ASAP3: variants seen among roughly 807,000 people sequenced by gnomAD.
The protein encoded by ASAP3 is ArfGAP with SH3 domain, ankyrin repeat and PH domain 3, also known as arf-GAP with SH3 domain, ANK repeat and PH domain-containing protein 3.
In ASAP3, 85 loss-of-function variants were observed where a neutral mutation model predicts 118.2. The observed-to-expected ratio is 0.72, with a 90% CI of 0.60 to 0.86. The LOEUF is 0.86. Among genes scored for constraint, ASAP3 ranks in the 40% least tolerant of loss-of-function variants. ASAP3 has a pLI of 0.00. For synonymous variants in ASAP3, 432 were observed against 477.4 expected, an observed-to-expected ratio of 0.90 and a Z score of 1.24; for missense variants, 1,026 against 1,175.0, an observed-to-expected ratio of 0.87 and a Z score of 1.85.
intron 1 of ASAP3, among the ~76,000 whole-genome samples, chr1:23,477,492 T>C (rs1642170728): frequency 1.3e-5 from 2 of 151,296 alleles, no homozygotes; most frequent in South Asian, 4.2e-4. Flanking sequence ...TGAGGGAAGT[T>C]AGGAGTGTGG....
At chr1:23,480,751 C>T (rs1296595928) in intron 1 of ASAP3, among the ~76,000 whole-genome samples, 1 of 152,196 alleles carries the variant, frequency 6.6e-6, no homozygotes, top group African/African-American at 2.4e-5. Flanking sequence ...CTGTGTGACA[C>T]AGGGCAGCTG....
rs1640660002 is a variant in ASAP3 at position 23,436,514 on chromosome 1, C to T, written c.1571+46G>A. On this transcript the variant is annotated intron_variant, in intron 16 of 24. Transcript: ENST00000336689. The surrounding 1 kb of genome is among the most constrained non-coding windows in gnomAD (Gnocchi z 4.2). ...TCTACGACCCTGGACACTGCGGAGG[C>T]AGAATCCCCTAGGCAGGGTGCCCCT... The T allele has an allele frequency of 1.9e-6, 3 of 1,600,008 alleles. No homozygotes were observed. The highest frequency in any genetic ancestry group is 2.2e-5 in the East Asian group (1 of 44,838).
intron 1 of ASAP3, among the ~76,000 whole-genome samples, chr1:23,473,918 C>T (rs1642035870): frequency 6.6e-6 from 1 of 151,808 alleles, no homozygotes; most frequent in Non-Finnish European, 1.5e-5. Context: ...TCTCATCTGC[C>T]CCCTCCTCAA....
intron 5 of ASAP3, among the ~76,000 whole-genome samples, chr1:23,446,326 TC>T (rs1641045125): frequency 6.6e-6 from 1 of 152,098 alleles, no homozygotes; most frequent in Non-Finnish European, 1.5e-5. Context: ...AATACTGTAG[TC>T]CCCCCTTCTC....
In ASAP3 at chr1:23,429,774, C is replaced by A; in HGVS notation, c.*82G>T. On this transcript the variant is annotated 3_prime_UTR_variant, in exon 25 of 25. Transcript: ENST00000336689. Reference sequence around the variant, plus strand: ...GAGTGAGATCCAAGAGAACAAATGTCTCAGCTCCCCAGTTTTGTGAGCTCA... The same window carrying A: ...GAGTGAGATCCAAGAGAACAAATGTATCAGCTCCCCAGTTTTGTGAGCTCA... 1 of 1,388,586 alleles carries A rather than the reference C, an allele frequency of 7.2e-7. No homozygotes were observed. The highest frequency in any genetic ancestry group is 1.0e-6 in the Non-Finnish European group (1 of 1,004,360). The allele number at this position is 1,388,586 out of a possible 1,614,324, so 86.0% of individuals were successfully genotyped here. A position where few individuals can be genotyped will look rare whatever the true frequency, so the allele number is the denominator to read the frequency against.
At chr1:23,463,938 C>T (rs891459490) in intron 1 of ASAP3, among the ~76,000 whole-genome samples, 1 of 151,988 alleles carries the variant, frequency 6.6e-6, no homozygotes, top group African/African-American at 2.4e-5. Flanking sequence ...AGATCACAAA[C>T]ATGGCAAGGC....
At chr1:23,451,618 G>C (rs1410687748) in intron 4 of ASAP3, 90 bp from the exon 5 acceptor site, 1 of 1,410,010 alleles carries the variant, frequency 7.1e-7, no homozygotes, top group African/African-American at 1.4e-5. Context: ...GGACCTGCTA[G>C]TGTGCTCCCC....
intron 10 of ASAP3, among the ~76,000 whole-genome samples, chr1:23,440,652 C>T (rs1380945760): frequency 6.8e-6 from 1 of 147,750 alleles, no homozygotes; most frequent in East Asian, 2.0e-4. Flanking sequence ...GTCAGGAGAT[C>T]GAGACCATCC....
chr1:23,466,137 G>A (rs1013094737), intron 1 of ASAP3, among the ~76,000 whole-genome samples: 1 of 152,212 alleles, frequency 6.6e-6, no homozygotes, highest in Non-Finnish European at 1.5e-5. Flanking sequence ...TCCCAGGACT[G>A]AGAGGTGGAA....
At chr1:23,433,036 T>A in intron 22 of ASAP3, 41 bp downstream of exon 22, 1 of 1,610,596 alleles carries the variant, frequency 6.2e-7, no homozygotes, top group Non-Finnish European at 8.5e-7. Context: ...AGGTCCTCTG[T>A]GAATGGCATG....
chr1:23,449,469 T>C (rs907004557), intron 5 of ASAP3, among the ~76,000 whole-genome samples: 15 of 152,114 alleles, frequency 9.9e-5, no homozygotes, highest in African/African-American at 3.6e-4. Context: ...AAGCTCCCAG[T>C]GGTATTTGAC....
At chr1:23,442,377 C>A (rs1160934607) in intron 6 of ASAP3, 106 bp from the exon 7 acceptor site, 2 of 1,576,562 alleles carry the variant, frequency 1.3e-6, no homozygotes, top group East Asian at 2.3e-5. Flanking sequence ...TGCGACTGGG[C>A]CTTGGTGACA....
chr1:23,464,257 G>A (rs1641689274), intron 1 of ASAP3, among the ~76,000 whole-genome samples: 1 of 151,582 alleles, frequency 6.6e-6, no homozygotes, highest in East Asian at 2.0e-4. Flanking sequence ...TGTGATCTCG[G>A]CTCACTGCAA....
chr1:23,434,144 A>G, intron 19 of ASAP3, 110 bp downstream of exon 19: 1 of 1,024,808 alleles, frequency 9.8e-7, no homozygotes, highest in Non-Finnish European at 1.5e-6. Flanking sequence ...AACCCCTAAG[A>G]TCACAGAGGT....
chr1:23,438,910 C>CT lies in ASAP3; in HGVS notation c.1015-77dup. On this transcript the variant is annotated intron_variant, in intron 11 of 24. Coordinates refer to ENST00000336689, the MANE Select transcript of ASAP3 (RefSeq NM_017707.4). The surrounding 1 kb of genome is among the most constrained non-coding windows in gnomAD (Gnocchi z 4.9). ...ATTCTTTAGGCCTCCATTTCCCACT[C>CT]TGTTAAATGGGCATAATCATCCTGT... 1 of 1,416,116 alleles carries CT rather than the reference C, an allele frequency of 7.1e-7. No individual in the cohort carries two copies. The highest frequency in any genetic ancestry group is 1.0e-6 in the Non-Finnish European group (1 of 1,004,364). 87.7% of individuals were successfully genotyped at this position (1,416,116 alleles called of 1,614,324 possible). A position where few individuals can be genotyped will look rare whatever the true frequency, so the allele number is the denominator to read the frequency against.
At chr1:23,447,505 C>A (rs10799795) in intron 5 of ASAP3, among the ~76,000 whole-genome samples, 97,414 of 152,012 alleles carry the variant, frequency 0.64, 35,693 homozygotes, top group Non-Finnish European at 0.81. Context: ...TTTCAAGCAT[C>A]CACTGGGGGT....
chr1:23,438,972 G>C lies in ASAP3; in HGVS notation c.1015-138C>G. 2 of 1,122,162 alleles carry C rather than the reference G, an allele frequency of 1.8e-6. No homozygotes were observed. Among genetic ancestry groups the C allele is most frequent in the Non-Finnish European group, 2.6e-6 (2 of 767,926 alleles). 69.5% of individuals were successfully genotyped at this position (1,122,162 alleles called of 1,614,324 possible). ...TTCTCCTCACCCAGCAGCACCTCAA[G>C]GATGTGAAGTGTAGACTAAGACTAG... On this transcript the variant is annotated intron_variant, in intron 11 of 24. Transcript: ENST00000336689. This position sits in a 1 kb window ranked among gnomAD's most constrained non-coding sequence, Gnocchi z 4.9.
At position 23,436,950 on chromosome 1, in the gene ASAP3, C is replaced by T. The variant is rs767969077; in HGVS notation, c.1437G>A (p.Gln479=). 27 of 1,612,598 alleles carry T rather than the reference C, an allele frequency of 1.7e-5. No homozygotes were observed. The highest frequency in any genetic ancestry group is 2.1e-5 in the Non-Finnish European group (25 of 1,179,856). The part of the protein sequence containing the change: ...RELGVRFSRM[Q]SLTLDLLGPS... ...GGCCCAGCAGGTCCAAGGTGAGTGA[C>T]TGCATGCGCGAAAAGCGCACGCCCA... Residue 479 remains glutamine, a synonymous_variant, in exon 15 of 25, where the codon CAG becomes CAA. Transcript: ENST00000336689. This position sits in a 1 kb window ranked among gnomAD's most constrained non-coding sequence, Gnocchi z 4.2.
chr1:23,452,655 C>T (rs1641254959), intron 4 of ASAP3, 42 bp downstream of exon 4: 1 of 1,599,086 alleles, frequency 6.3e-7, no homozygotes, highest in African/African-American at 1.3e-5. Flanking sequence ...GCCCACCCCT[C>T]TTTTACTCTG....
Sources: allele counts gnomAD v4.1 joint callset (sites outside exome capture counted in the v4.1 genomes callset), GRCh38; gene constraint gnomAD v4.1.1; non-coding constraint Gnocchi (gnomAD v3.1); transcripts MANE v1.5; gene names NCBI Gene and HGNC (gene_info 2026-07-23, HGNC 2026-07-21).